The following PUM1 variants were observed in gnomAD, a reference collection of about 807,000 sequenced individuals.
PUM1 encodes the protein pumilio RNA binding family member 1.
In PUM1, 13 loss-of-function variants were observed where a neutral mutation model predicts 131.8. The observed-to-expected ratio is 0.10, with a 90% CI of 0.06 to 0.16. PUM1 has a LOEUF of 0.16. PUM1 is among the 10% of genes least tolerant of loss of function. The pLI, the probability that PUM1 is intolerant of heterozygous loss-of-function variation, is 1.00. For synonymous variants in PUM1, 509 were observed against 556.5 expected, an observed-to-expected ratio of 0.91 and a Z score of 1.20; for missense variants, 961 against 1,512.4, an observed-to-expected ratio of 0.64 and a Z score of 6.05.
At chr1:30,989,622 C>T (rs1357872944) in intron 7 of PUM1, among the ~76,000 whole-genome samples, 1 of 147,880 alleles carries the variant, frequency 6.8e-6, no homozygotes, top group Admixed American at 6.7e-5. Context: ...CCACAAAGTC[C>T]TTCCCTTCCC....
chr1:31,059,423 T>C lies in PUM1; in HGVS notation c.144A>G (p.Pro48=), dbSNP rs1364977956. Residue 48 remains proline (P), a synonymous_variant, in exon 2 of 22, where the codon CCA becomes CCG. Coordinates refer to ENST00000426105, the MANE Select transcript of PUM1 (RefSeq NM_001020658.2). ...LTSGTGSQAQ[P]QPAANQALAA... ...CAAGAGCCTGATTTGCAGCTGGTTG[T>C]GGCTGCGCTTGCGACCCTGTTCCAG... 1 of 1,614,078 alleles carries C rather than the reference T, an allele frequency of 6.2e-7. No individual in the cohort carries two copies. The highest frequency in any genetic ancestry group is 8.5e-7 in the Non-Finnish European group (1 of 1,180,040).
intron 2 of PUM1, among the ~76,000 whole-genome samples, chr1:31,042,311 T>A (rs1270715379): frequency 2.3e-5 from 3 of 132,628 alleles, no homozygotes. Context: ...GTATCAAAAA[T>A]AAATAAATAA....
chr1:31,056,620 T>C (rs1374694632), intron 2 of PUM1, among the ~76,000 whole-genome samples: 3 of 92,120 alleles, frequency 3.3e-5, no homozygotes, highest in Non-Finnish European at 4.0e-5. Flanking sequence ...TTTTTTTTTT[T>C]TTTTTTTTTT....
At chr1:31,032,917 C>A (rs1643482046) in intron 2 of PUM1, among the ~76,000 whole-genome samples, 1 of 152,070 alleles carries the variant, frequency 6.6e-6, no homozygotes, top group African/African-American at 2.4e-5. Flanking sequence ...ACCAGCCTGG[C>A]CAACATGGCA....
At chr1:31,040,906 G>T (rs911271806) in intron 2 of PUM1, among the ~76,000 whole-genome samples, 3 of 152,176 alleles carry the variant, frequency 2.0e-5, no homozygotes, top group African/African-American at 7.2e-5. Context: ...TGAGAAATAA[G>T]CAGATCGTAT....
At chr1:31,006,405 T>C (rs1292912251) in intron 4 of PUM1, among the ~76,000 whole-genome samples, 1 of 152,248 alleles carries the variant, frequency 6.6e-6, no homozygotes, top group Non-Finnish European at 1.5e-5. Context: ...TTCTGATAAT[T>C]CACTGTCATC....
chr1:31,002,278 A>C (rs1040166114), intron 5 of PUM1, among the ~76,000 whole-genome samples: 10 of 152,230 alleles, frequency 6.6e-5, no homozygotes, highest in Non-Finnish European at 2.9e-5. Flanking sequence ...AAATAGATGT[A>C]TACTACGAAT....
intron 18 of PUM1, among the ~76,000 whole-genome samples, chr1:30,944,395 A>G (rs1031710615): frequency 6.6e-6 from 1 of 152,148 alleles, no homozygotes; most frequent in Admixed American, 6.5e-5. Flanking sequence ...TGTGTTTTGG[A>G]AAAAAACAAA....
At chr1:30,948,717 T>C (rs539921487) in intron 17 of PUM1, among the ~76,000 whole-genome samples, 2 of 152,008 alleles carry the variant, frequency 1.3e-5, no homozygotes, top group South Asian at 4.2e-4. Context: ...GCCACTGCAC[T>C]CCAGCCTGGG....
intron 2 of PUM1, among the ~76,000 whole-genome samples, chr1:31,030,668 G>A (rs1221191241): frequency 6.6e-6 from 1 of 151,612 alleles, no homozygotes; most frequent in African/African-American, 2.4e-5. Context: ...CAGAAATCAC[G>A]CCACTACACT....
intron 7 of PUM1, among the ~76,000 whole-genome samples, chr1:30,987,728 C>T (rs1268409739): frequency 2.0e-5 from 3 of 152,150 alleles, no homozygotes; most frequent in Admixed American, 1.3e-4. Context: ...TACTCCAAGT[C>T]AGAGGTTCTG....
At position 30,992,565 on chromosome 1, in the gene PUM1, G is replaced by A. The variant is rs765212121; in HGVS notation, c.983C>T (p.Thr328Ile). The A allele has an allele frequency of 1.2e-6, 2 of 1,614,210 alleles. No individual in the cohort carries two copies. Among genetic ancestry groups the A allele is most frequent in the Non-Finnish European group, 1.7e-6 (2 of 1,180,032 alleles). The change falls in exon 7 of 22, where the codon ACC becomes ATC. Residue 328 changes from threonine to isoleucine, a missense_variant. By Grantham distance (89) the Thr-to-Ile change is moderately conservative. Coordinates refer to ENST00000426105, the MANE Select transcript of PUM1 (RefSeq NM_001020658.2). ...GSEGLAQLTS[T>I]NGAKPVEDFS... ...ATCCTCCACAGGCTTGGCACCATTGGTGCTGGTCAGCTGGGCTAAGCCCTC... is the reference window on the plus strand; with the variant it reads ...ATCCTCCACAGGCTTGGCACCATTGATGCTGGTCAGCTGGGCTAAGCCCTC...
intron 3 of PUM1, among the ~76,000 whole-genome samples, chr1:31,022,520 G>T (rs1643066282): frequency 6.6e-6 from 1 of 152,198 alleles, no homozygotes; most frequent in Non-Finnish European, 1.5e-5. Flanking sequence ...TTGCACATTG[G>T]TCTCAAAGTC....
At chr1:30,984,890 G>T (rs1165306853) in intron 7 of PUM1, among the ~76,000 whole-genome samples, 3 of 151,982 alleles carry the variant, frequency 2.0e-5, no homozygotes. Context: ...TCTAAATAAG[G>T]AGTTAGTAAA....
chr1:30,993,661 A>T (rs1045629623), intron 6 of PUM1, among the ~76,000 whole-genome samples: 6 of 152,068 alleles, frequency 3.9e-5, no homozygotes, highest in Non-Finnish European at 8.8e-5. Flanking sequence ...CCCCCATTTA[A>T]ATACAACAAA....
chr1:31,043,329 A>G (rs1158002578), intron 2 of PUM1, among the ~76,000 whole-genome samples: 1 of 151,724 alleles, frequency 6.6e-6, no homozygotes, highest in Non-Finnish European at 1.5e-5. Flanking sequence ...CAGCCACCTG[A>G]GAACCTGGGA....
chr1:30,944,012 C>T (rs1461725460), intron 18 of PUM1, among the ~76,000 whole-genome samples: 5 of 152,200 alleles, frequency 3.3e-5, no homozygotes, highest in African/African-American at 1.2e-4. Context: ...ATCCTTTGAC[C>T]GTCGCATCTT....
chr1:31,017,785 G>T (rs1378224594), intron 3 of PUM1, among the ~76,000 whole-genome samples: 2 of 152,114 alleles, frequency 1.3e-5, no homozygotes, highest in African/African-American at 2.4e-5. Context: ...AATGTCAGCT[G>T]TCAGTGAGAC....
intron 3 of PUM1, among the ~76,000 whole-genome samples, chr1:31,009,172 G>C (rs891786350): frequency 3.4e-5 from 5 of 148,820 alleles, no homozygotes; most frequent in Admixed American, 3.3e-4. Flanking sequence ...AACAGAGCGA[G>C]ACTCCATCTT....
Sources: allele counts gnomAD v4.1 joint callset (sites outside exome capture counted in the v4.1 genomes callset), GRCh38; gene constraint gnomAD v4.1.1; transcripts MANE v1.5; gene names NCBI Gene and HGNC (gene_info 2026-07-23, HGNC 2026-07-21).